Variants in SLAIN1 observed in about 807,000 individuals in gnomAD.
The protein encoded by SLAIN1 is SLAIN motif-containing protein 1.
A neutral mutation model predicts 55.4 loss-of-function variants in SLAIN1; 17 were observed. That is an observed-to-expected ratio of 0.31 (90% CI 0.21 to 0.46). SLAIN1 has a LOEUF of 0.46. SLAIN1 is among the 20% of genes least tolerant of loss of function. The pLI, the probability that SLAIN1 is intolerant of heterozygous loss-of-function variation, is 1.00. For missense variants in SLAIN1, 682 were observed against 785.1 expected (o/e 0.87, Z 1.57); for synonymous variants, 348 against 337.4 (o/e 1.03, Z -0.35).
rs142187128 is a variant in SLAIN1 at position 77,719,652 on chromosome 13, G to C, written c.747G>C (p.Leu249=). The C allele has an allele frequency of 1.2e-6, 2 of 1,613,240 alleles. No individual in the cohort carries two copies. The highest frequency in any genetic ancestry group is 2.7e-5 in the African/African-American group (2 of 74,862). Residue 249 remains leucine, a synonymous_variant, in exon 2 of 7, where the codon CTG becomes CTC. Coordinates refer to ENST00000418532, the MANE Select transcript of SLAIN1 (RefSeq NM_001242868.2). ...TPEMEAARRS[L]CFRLEQGYTS... is the part of the protein sequence containing the mutation. ...AGATGGAAGCAGCGAGACGTTCCCT[G>C]TGCTTTAGACTGGAGCAAGGTAATT...
intron 5 of SLAIN1, among the ~76,000 whole-genome samples, chr13:77,759,948 T>C (rs193149043): frequency 3.0e-4 from 46 of 152,304 alleles, no homozygotes; most frequent in Admixed American, 2.2e-3. Flanking sequence ...AATAAAACCA[T>C]AGATACTTTT....
At chr13:77,739,765 G>T (rs57619630) in intron 2 of SLAIN1, among the ~76,000 whole-genome samples, 12 of 151,894 alleles carry the variant, frequency 7.9e-5, no homozygotes, top group Non-Finnish European at 1.6e-4. Context: ...CCATTCTGTC[G>T]TCTGCCTTTT....
At chr13:77,720,370 A>C (rs2091250192) in intron 2 of SLAIN1, among the ~76,000 whole-genome samples, 1 of 152,130 alleles carries the variant, frequency 6.6e-6, no homozygotes, top group South Asian at 2.1e-4. Context: ...CAAATCATAC[A>C]TGAGCTTCAA....
At chr13:77,712,093 C>A (rs1472824366) in intron 1 of SLAIN1, among the ~76,000 whole-genome samples, 2 of 152,164 alleles carry the variant, frequency 1.3e-5, no homozygotes, top group Admixed American at 6.5e-5. Context: ...CTATTTATGA[C>A]AAACCCACAG....
chr13:77,706,985 G>A (rs998126392), intron 1 of SLAIN1, among the ~76,000 whole-genome samples: 35 of 151,608 alleles, frequency 2.3e-4, no homozygotes, highest in African/African-American at 8.5e-4. Flanking sequence ...TTGTACCTTG[G>A]TATGGGTTAT....
intron 2 of SLAIN1, among the ~76,000 whole-genome samples, chr13:77,734,986 C>T (rs1423456413): frequency 2.6e-5 from 4 of 151,856 alleles, no homozygotes; most frequent in Non-Finnish European, 4.4e-5. Context: ...TGCCACTGCA[C>T]TCCAGCCTGG....
At position 77,734,758 on chromosome 13, in the gene SLAIN1, A is replaced by G. The variant is rs902942982; in HGVS notation, c.767-9525A>G. Among the ~76,000 whole-genome samples the G allele has an allele frequency of 1.6e-4, 24 of 152,132 alleles. 1 individual carries two copies. The highest frequency in any genetic ancestry group is 5.1e-4 in the African/African-American group (21 of 41,432). ...GAATGTTGGCTGGGCGGTGGCTCACACTTGTAATCCCAGCACTTTTGGAGG... is the reference window on the plus strand; with the variant it reads ...GAATGTTGGCTGGGCGGTGGCTCACGCTTGTAATCCCAGCACTTTTGGAGG... On this transcript the variant is annotated intron_variant, in intron 2 of 6. Coordinates refer to ENST00000418532, the MANE Select transcript of SLAIN1 (RefSeq NM_001242868.2).
Position 77,748,569 on chromosome 13 carries a change from C to T in SLAIN1, c.1258+1714C>T, listed in dbSNP as rs995439916. ...AGTGGTATTCACTTCCATCAAACAC[C>T]GTTTGAAAAGGATTAGGTTTCTGTG... On this transcript the variant is annotated intron_variant, in intron 4 of 6. Transcript: ENST00000418532. 3.3e-5 allele frequency among the ~76,000 whole-genome samples: 5 copies of T among 151,974 alleles called. No individual in the cohort carries two copies. In the East Asian group the frequency reaches 5.8e-4, roughly 18 times the overall value.
chr13:77,698,959 G>A lies in SLAIN1; in HGVS notation c.626+420G>A, dbSNP rs746482393. The A allele has an allele frequency of 4.2e-5, 64 of 1,534,332 alleles. No individual in the cohort carries two copies. The Admixed American group carries it at 6.5e-4, about 16-fold the overall frequency. ...TTGGCCTCTGTCTGCGACTGTTACT[G>A]TTCTTTCGTTTTAAACGAACGCTGG... On this transcript the variant is annotated intron_variant, in intron 1 of 6. Coordinates refer to ENST00000418532, the MANE Select transcript of SLAIN1 (RefSeq NM_001242868.2). The surrounding 1 kb of genome is among the most constrained non-coding windows in gnomAD (Gnocchi z 4.1).
chr13:77,761,937 A>G (rs969641404), intron 6 of SLAIN1, among the ~76,000 whole-genome samples: 4 of 152,208 alleles, frequency 2.6e-5, no homozygotes, highest in East Asian at 1.9e-4. Context: ...ATGAAGGAGA[A>G]GGAGAAAACC....
At chr13:77,705,861 C>A (rs1377953561) in intron 1 of SLAIN1, among the ~76,000 whole-genome samples, 3 of 151,696 alleles carry the variant, frequency 2.0e-5, no homozygotes, top group Admixed American at 2.0e-4. Flanking sequence ...CTTTTTCTTT[C>A]TTTAAATCCA....
At position 77,697,848 on chromosome 13, in the gene SLAIN1, C is replaced by G. The variant is rs1278791816; in HGVS notation, c.-66C>G. 88 of 1,254,298 alleles carry G rather than the reference C, an allele frequency of 7.0e-5. No homozygotes were observed. In the South Asian group the frequency reaches 1.7e-3, roughly 24 times the overall value. The allele number at this position is 1,254,298 out of a possible 1,614,324, so 77.7% of individuals were successfully genotyped here. The stretch of plus-strand genomic sequence containing the variant: ...GACAGGGAAGGAGCCGTAGCCTCCC[C>G]GTGGCCCGAGGAGCCGGCGCGGCGG... On this transcript the variant is annotated 5_prime_UTR_variant, in exon 1 of 7. Transcript: ENST00000418532.
At chr13:77,727,124 A>G (rs963932979) in intron 2 of SLAIN1, among the ~76,000 whole-genome samples, 1 of 152,206 alleles carries the variant, frequency 6.6e-6, no homozygotes, top group Non-Finnish European at 1.5e-5. Flanking sequence ...TTTTTCCCCC[A>G]GAACACTGGC....
chr13:77,738,502 G>A (rs1233912423), intron 2 of SLAIN1, among the ~76,000 whole-genome samples: 2 of 151,972 alleles, frequency 1.3e-5, no homozygotes, highest in Admixed American at 1.3e-4. Flanking sequence ...GGGTTTGCTA[G>A]GTATTAAGCC....
At chr13:77,702,798 A>C (rs2091044086) in intron 1 of SLAIN1, among the ~76,000 whole-genome samples, 1 of 152,216 alleles carries the variant, frequency 6.6e-6, no homozygotes, top group South Asian at 2.1e-4. Flanking sequence ...CATTTTAAAA[A>C]AGTGAAGTGC....
intron 1 of SLAIN1, among the ~76,000 whole-genome samples, chr13:77,717,955 T>C (rs2091224225): frequency 6.6e-6 from 1 of 152,128 alleles, no homozygotes; most frequent in Non-Finnish European, 1.5e-5. Context: ...CAGTTTAGGC[T>C]ATGTTGCAAG....
At chr13:77,711,162 T>A (rs948733316) in intron 1 of SLAIN1, among the ~76,000 whole-genome samples, 32 of 151,240 alleles carry the variant, frequency 2.1e-4, no homozygotes, top group Admixed American at 6.6e-4. Context: ...AATATCACAA[T>A]TAACAGAACT....
At chr13:77,706,288 C>A (rs985308234) in intron 1 of SLAIN1, among the ~76,000 whole-genome samples, 5 of 152,022 alleles carry the variant, frequency 3.3e-5, no homozygotes, top group African/African-American at 1.2e-4. Context: ...TTAATGTCTG[C>A]ATTATGATTA....
At chr13:77,728,984 A>T (rs1435273033) in intron 2 of SLAIN1, among the ~76,000 whole-genome samples, 1 of 152,222 alleles carries the variant, frequency 6.6e-6, no homozygotes, top group Non-Finnish European at 1.5e-5. Flanking sequence ...TTGTGCAGAG[A>T]CAGGGTCTCC....
Sources: gnomAD v4.1 joint callset for allele counts (sites outside exome capture counted in the v4.1 genomes callset) on GRCh38, gnomAD v4.1.1 for gene constraint, Gnocchi (gnomAD v3.1) non-coding constraint, MANE v1.5 for transcripts, NCBI Gene and HGNC (gene_info 2026-07-23, HGNC 2026-07-21) for gene names.